Variants in CCDC102B observed in about 807,000 individuals in gnomAD.
The protein encoded by CCDC102B is coiled-coil domain containing 102B.
In CCDC102B, 75 loss-of-function variants were observed where a neutral mutation model predicts 57.4. The ratio of observed to expected loss-of-function variants is 1.31; its 90% CI spans 1.08 to 1.58. CCDC102B has a LOEUF of 1.58. Among genes scored for constraint, CCDC102B ranks in the 40% most tolerant of loss-of-function variants. The pLI is 0.00. For synonymous variants in CCDC102B, 206 were observed against 201.9 expected (o/e 1.02, Z -0.17); for missense variants, 636 against 582.6 (o/e 1.09, Z -0.94).
intron 6 of CCDC102B, among the ~76,000 whole-genome samples, chr18:68,914,342 C>T (rs2040987239): frequency 6.6e-6 from 1 of 152,108 alleles, no homozygotes; most frequent in Admixed American, 6.6e-5. Context: ...GTGTGAGTGG[C>T]CCTGCAGTGG....
chr18:68,929,138 A>T (rs189029263), intron 6 of CCDC102B, among the ~76,000 whole-genome samples: 1 of 151,930 alleles, frequency 6.6e-6, no homozygotes, highest in Non-Finnish European at 1.5e-5. Context: ...CACTGAATGG[A>T]TGTTGAAAGC....
chr18:68,725,565 A>G (rs1286838997), intron 2 of CCDC102B, among the ~76,000 whole-genome samples: 1 of 152,146 alleles, frequency 6.6e-6, no homozygotes, highest in African/African-American at 2.4e-5. Flanking sequence ...TTCTCCACCT[A>G]CATTTCCTGA....
At chr18:68,890,447 A>G (rs2040034390) in intron 5 of CCDC102B, among the ~76,000 whole-genome samples, 1 of 152,072 alleles carries the variant, frequency 6.6e-6, no homozygotes, top group South Asian at 2.1e-4. Flanking sequence ...GGCTGCTTAA[A>G]TTCCTGGGCT....
chr18:68,771,869 TACACACAC>T (rs57733183), intron 2 of CCDC102B, among the ~76,000 whole-genome samples: 25 of 142,110 alleles, frequency 1.8e-4, no homozygotes, highest in East Asian at 4.2e-4. Context: ...TACTCTGAAA[TACACACAC>T]ACACACACAC....
intron 6 of CCDC102B, among the ~76,000 whole-genome samples, chr18:68,946,676 A>G (rs1389620420): frequency 1.3e-5 from 2 of 152,082 alleles, no homozygotes; most frequent in Admixed American, 6.6e-5. Context: ...TGTTTTGGGT[A>G]TCATGGTGGT....
chr18:68,857,302 T>TGA lies in CCDC102B; in HGVS notation c.936+10881_936+10882insGA, dbSNP rs1568293006. Among the ~76,000 whole-genome samples the TGA allele has an allele frequency of 1.7e-3, 11 of 6,430 alleles. No homozygotes were observed. The East Asian group carries it at 0.019, about 11-fold the overall frequency. The allele number at this position is 6,430 out of a possible 152,430, so 4.2% of individuals were successfully genotyped here. ...AATATATATTTATATATTATATATA[T>TGA]AATATATATTTATATATTATATATA... is the stretch of plus-strand genomic sequence containing the variant. On this transcript the variant is annotated intron_variant, in intron 4 of 7. Transcript: ENST00000360242.
At chr18:68,957,088 A>G (rs2049920651) in intron 6 of CCDC102B, among the ~76,000 whole-genome samples, 1 of 151,952 alleles carries the variant, frequency 6.6e-6, no homozygotes, top group Middle Eastern at 3.4e-3. Context: ...TTGCCTTTTC[A>G]CTTTGTTGAT....
At chr18:69,020,227 G>A (rs976522258) in intron 7 of CCDC102B, among the ~76,000 whole-genome samples, 2 of 152,024 alleles carry the variant, frequency 1.3e-5, no homozygotes, top group Non-Finnish European at 2.9e-5. Context: ...AACTGCATAG[G>A]ATGAGATTTA....
At chr18:68,958,245 A>C (rs969857840) in intron 6 of CCDC102B, among the ~76,000 whole-genome samples, 2 of 152,346 alleles carry the variant, frequency 1.3e-5, no homozygotes, top group Admixed American at 6.5e-5. Context: ...GGGTAGGGAC[A>C]GAGCCAAACC....
At chr18:68,720,751 G>T (rs1195398382) in intron 2 of CCDC102B, among the ~76,000 whole-genome samples, 1 of 152,134 alleles carries the variant, frequency 6.6e-6, no homozygotes, top group Non-Finnish European at 1.5e-5. Flanking sequence ...TTTTTGTACA[G>T]TTGACGTTGG....
intron 5 of CCDC102B, among the ~76,000 whole-genome samples, chr18:68,884,738 A>AATATATTTAT (rs1284587209): frequency 6.7e-6 from 1 of 148,496 alleles, no homozygotes; most frequent in Non-Finnish European, 1.5e-5. Context: ...TATTCATTAT[A>AATATATTTAT]ATATATTTAT....
intron 7 of CCDC102B, among the ~76,000 whole-genome samples, chr18:69,049,991 G>A (rs2052664773): frequency 6.6e-6 from 1 of 152,064 alleles, no homozygotes; most frequent in Admixed American, 6.6e-5. Flanking sequence ...TGTATTTTTA[G>A]TAGAGGCAAG....
At chr18:68,904,399 A>T (rs1436794620) in intron 6 of CCDC102B, among the ~76,000 whole-genome samples, 1 of 152,204 alleles carries the variant, frequency 6.6e-6, no homozygotes, top group Non-Finnish European at 1.5e-5. Context: ...TCCTGCGTAA[A>T]TTCATAATTT....
At position 68,836,693 on chromosome 18, in the gene CCDC102B, T is replaced by C. The variant is rs552881541; in HGVS notation, c.-15-56T>C. 4.7e-5 allele frequency: 63 copies of C among 1,353,312 alleles called. 2 individuals carry two copies. In the South Asian group the frequency reaches 8.5e-4, roughly 18 times the overall value. The allele number at this position is 1,353,312 out of a possible 1,614,324, so 83.8% of individuals were successfully genotyped here. A position where few individuals can be genotyped will look rare whatever the true frequency, so the allele number is the denominator to read the frequency against. On this transcript the variant is annotated intron_variant, in intron 1 of 7. Transcript: ENST00000360242. ...AAAAAAAAAAAAGTGTAGGTCTTGT[T>C]CCTGTATTTACAAGGGAAATTTCAG...
At position 69,017,462 on chromosome 18, in the gene CCDC102B, T is replaced by G. The variant is rs369007105; in HGVS notation, c.1434+6358T>G. On this transcript the variant is annotated intron_variant, in intron 7 of 7. Coordinates refer to ENST00000360242, the MANE Select transcript of CCDC102B (RefSeq NM_024781.3). Reference sequence around the variant, plus strand: ...TTCGTGGAACTCTTTTTAAAAATTTTAACTTTTAGGATTGTAATTACATTT... The same window carrying G: ...TTCGTGGAACTCTTTTTAAAAATTTGAACTTTTAGGATTGTAATTACATTT... 8.1e-4 allele frequency among the ~76,000 whole-genome samples: 123 copies of G among 152,280 alleles called. 2 individuals carry two copies. In the South Asian group the frequency reaches 0.024, roughly 29 times the overall value.
chr18:68,877,032 C>CA (rs1478904588), intron 5 of CCDC102B, among the ~76,000 whole-genome samples: 1 of 152,106 alleles, frequency 6.6e-6, no homozygotes, highest in African/African-American at 2.4e-5. Context: ...ATATTTCTTT[C>CA]AAAAAATTTA....
chr18:68,951,613 T>A (rs140181225), intron 6 of CCDC102B, among the ~76,000 whole-genome samples: 5,949 of 151,890 alleles, frequency 0.039, 171 homozygotes, highest in Non-Finnish European at 0.054. Flanking sequence ...TTTGAGACCA[T>A]CCTGGCCAAC....
chr18:68,840,277 T>A (rs1183282427), intron 3 of CCDC102B, among the ~76,000 whole-genome samples: 1 of 152,128 alleles, frequency 6.6e-6, no homozygotes, highest in Non-Finnish European at 1.5e-5. Context: ...ATATATTATA[T>A]AACAGTTTTA....
At chr18:68,720,255 T>C (rs564537409) in intron 2 of CCDC102B, among the ~76,000 whole-genome samples, 4 of 152,226 alleles carry the variant, frequency 2.6e-5, no homozygotes, top group Non-Finnish European at 5.9e-5. Flanking sequence ...ACACTAACAC[T>C]GATCAATCAC....
Sources: gnomAD v4.1 joint callset for allele counts (sites outside exome capture counted in the v4.1 genomes callset) on GRCh38, gnomAD v4.1.1 for gene constraint, MANE v1.5 for transcripts, NCBI Gene and HGNC (gene_info 2026-07-23, HGNC 2026-07-21) for gene names.